Variants in DPYSL2 observed in about 807,000 individuals in gnomAD.
DPYSL2 encodes dihydropyrimidinase like 2.
DPYSL2 carries 13 observed loss-of-function variants against 69.9 expected under a neutral mutation model. The observed-to-expected ratio is 0.19, with a 90% CI of 0.12 to 0.30. The LOEUF (loss-of-function observed/expected upper bound fraction) is 0.30, where lower values mean the gene tolerates loss of function less well. DPYSL2 is among the 10% of genes least tolerant of loss of function. DPYSL2 has a pLI of 1.00. For synonymous variants in DPYSL2, 326 were observed against 359.1 expected (o/e 0.91, Z 1.04); for missense variants, 587 against 918.9 (o/e 0.64, Z 4.67).
Position 26,517,308 on chromosome 8 carries a change from T to C in DPYSL2, c.354+2629T>C, listed in dbSNP as rs528744243. 1.1e-4 allele frequency among the ~76,000 whole-genome samples: 17 copies of C among 152,296 alleles called. No homozygotes were observed. Among genetic ancestry groups the C allele is most frequent in the African/African-American group, 4.1e-4 (17 of 41,566 alleles). ...GTTGGACATGTGCATTTGCAGGAAC[T>C]AAATGAAATTATATTCAGAGTATGA... On this transcript the variant is annotated intron_variant, in intron 1 of 13. Coordinates refer to ENST00000521913, the MANE Select transcript of DPYSL2 (RefSeq NM_001197293.3). The surrounding 1 kb of genome is among the most constrained non-coding windows in gnomAD (Gnocchi z 4.2).
rs1383774503 is a variant in DPYSL2 at position 26,591,474 on chromosome 8, A to T, written c.628+7491A>T. On this transcript the variant is annotated intron_variant, in intron 3 of 13. Coordinates refer to ENST00000521913, the MANE Select transcript of DPYSL2 (RefSeq NM_001197293.3). The surrounding 1 kb of genome is among the most constrained non-coding windows in gnomAD (Gnocchi z 5.8). The stretch of plus-strand genomic sequence containing the variant: ...TGGGCAGAGACTTCTGAGGACAGCG[A>T]TCGTGGCCTCTCCATTTTCCTAAGG... Among the ~76,000 whole-genome samples the T allele has an allele frequency of 6.6e-6, 1 of 152,176 alleles. No homozygotes were observed. Among genetic ancestry groups the T allele is most frequent in the Non-Finnish European group, 1.5e-5 (1 of 68,034 alleles).
chr8:26,655,587 C>A, intron 13 of DPYSL2, 28 bp from the exon 14 acceptor site: 1 of 1,578,786 alleles, frequency 6.3e-7, no homozygotes, highest in Non-Finnish European at 8.7e-7. Flanking sequence ...GGCCCCTCAC[C>A]CGCTCCTCTC....
chr8:26,518,624 C>G (rs1296423695), intron 1 of DPYSL2, among the ~76,000 whole-genome samples: 1 of 152,170 alleles, frequency 6.6e-6, no homozygotes, highest in East Asian at 1.9e-4. Context: ...TTCCCAGCCC[C>G]TGGCAACCAC....
chr8:26,530,113 CAAAAAAAA>C (rs34448431), intron 1 of DPYSL2, among the ~76,000 whole-genome samples: 4 of 72,036 alleles, frequency 5.6e-5, no homozygotes, highest in African/African-American at 2.3e-4. Context: ...ACTCCGTCTC[CAAAAAAAA>C]AAAAAAAAAA....
chr8:26,612,166 G>A (rs1244560272), intron 3 of DPYSL2, among the ~76,000 whole-genome samples: 2 of 152,188 alleles, frequency 1.3e-5, no homozygotes, highest in African/African-American at 4.8e-5. Flanking sequence ...AAAGAGCTTT[G>A]TGTTTTACCC....
chr8:26,515,180 A>C (rs1034510105), intron 1 of DPYSL2, among the ~76,000 whole-genome samples: 13 of 152,212 alleles, frequency 8.5e-5, no homozygotes, highest in Admixed American at 2.0e-4. Context: ...TTCTGCGCTC[A>C]CGTCCCGAGC....
chr8:26,567,002 CCAT>C (rs2129677941), intron 1 of DPYSL2, among the ~76,000 whole-genome samples: 1 of 151,992 alleles, frequency 6.6e-6, no homozygotes, highest in South Asian at 2.1e-4. Context: ...ATCTATTCAT[CCAT>C]CATCCATTAT....
intron 1 of DPYSL2, among the ~76,000 whole-genome samples, chr8:26,532,113 A>G (rs1017980408): frequency 1.3e-5 from 2 of 152,170 alleles, no homozygotes; most frequent in Non-Finnish European, 2.9e-5. Context: ...GATAGGAGGC[A>G]GGTGTGGTTC....
chr8:26,601,830 T>C (rs1801999563), intron 3 of DPYSL2, among the ~76,000 whole-genome samples: 1 of 152,234 alleles, frequency 6.6e-6, no homozygotes, highest in African/African-American at 2.4e-5. Flanking sequence ...GTACTTGACA[T>C]TTATATATAT....
At chr8:26,628,028 AGGGG>A in intron 7 of DPYSL2, 88 bp downstream of exon 7, 1 of 1,356,262 alleles carries the variant, frequency 7.4e-7, no homozygotes, top group Non-Finnish European at 1.0e-6. Flanking sequence ...CCTGTTGAGA[AGGGG>A]GCTTCTCTGA....
At chr8:26,521,761 T>C (rs1158334973) in intron 1 of DPYSL2, among the ~76,000 whole-genome samples, 2 of 152,172 alleles carry the variant, frequency 1.3e-5, no homozygotes, top group Non-Finnish European at 2.9e-5. Context: ...TTCATAGACA[T>C]GGAACCATAC....
At chr8:26,524,390 A>G (rs1057057471) in intron 1 of DPYSL2, among the ~76,000 whole-genome samples, 1 of 152,214 alleles carries the variant, frequency 6.6e-6, no homozygotes, top group Admixed American at 6.5e-5. Flanking sequence ...ATTGTAGATG[A>G]CATTGGTAAA....
chr8:26,523,504 T>C (rs1808424285), intron 1 of DPYSL2, among the ~76,000 whole-genome samples: 1 of 152,160 alleles, frequency 6.6e-6, no homozygotes, highest in South Asian at 2.1e-4. Context: ...GGCAATCACC[T>C]TTCTACTTTG....
intron 11 of DPYSL2, among the ~76,000 whole-genome samples, chr8:26,649,333 C>T (rs892657708): frequency 6.6e-6 from 1 of 152,192 alleles, no homozygotes; most frequent in African/African-American, 2.4e-5. Flanking sequence ...TTGCTTCCCC[C>T]AGAGGTGCTA....
chr8:26,628,035 T>G (rs1802660349), intron 7 of DPYSL2, 95 bp downstream of exon 7: 7 of 1,252,222 alleles, frequency 5.6e-6, no homozygotes, highest in Non-Finnish European at 7.9e-6. Context: ...AGAAGGGGGC[T>G]TCTCTGATGC....
At chr8:26,520,416 TA>T (rs1563372607) in intron 1 of DPYSL2, among the ~76,000 whole-genome samples, 1 of 152,032 alleles carries the variant, frequency 6.6e-6, no homozygotes, top group African/African-American at 2.4e-5. Context: ...TGATATTAAT[TA>T]TTTTTTCTCA....
chr8:26,527,804 C>CTTTTTTTTT (rs34631984), intron 1 of DPYSL2, among the ~76,000 whole-genome samples: 1 of 132,690 alleles, frequency 7.5e-6, no homozygotes, highest in African/African-American at 2.8e-5. Flanking sequence ...TTTGTTTATC[C>CTTTTTTTTT]TTTTTTTTTT....
intron 3 of DPYSL2, among the ~76,000 whole-genome samples, chr8:26,601,281 G>C (rs182458443): frequency 2.0e-5 from 3 of 152,170 alleles, no homozygotes. Context: ...ACTAGTATGA[G>C]GCTGAATGAG....
At position 26,648,035 on chromosome 8, in the gene DPYSL2, A is replaced by G. The variant is rs1324564602; in HGVS notation, c.1596+235A>G. ...TTGGAATACCACAGCCTCTCTATCT[A>G]TAGACCTTTAGAGCCTCTAAAGTGA... is the stretch of plus-strand genomic sequence containing the variant. On this transcript the variant is annotated intron_variant, in intron 11 of 13. Coordinates refer to ENST00000521913, the MANE Select transcript of DPYSL2 (RefSeq NM_001197293.3). The surrounding 1 kb of genome is among the most constrained non-coding windows in gnomAD (Gnocchi z 4.3). 6.6e-6 allele frequency among the ~76,000 whole-genome samples: 1 copy of G among 152,204 alleles called. No individual in the cohort carries two copies. Among genetic ancestry groups the G allele is most frequent in the Non-Finnish European group, 1.5e-5 (1 of 68,044 alleles).
Sources: allele counts gnomAD v4.1 joint callset (sites outside exome capture counted in the v4.1 genomes callset), GRCh38; gene constraint gnomAD v4.1.1; non-coding constraint Gnocchi (gnomAD v3.1); transcripts MANE v1.5; gene names NCBI Gene and HGNC (gene_info 2026-07-23, HGNC 2026-07-21).